UFL1: variants seen among roughly 807,000 people sequenced by gnomAD.
UFL1 encodes the protein E3 UFM1-protein ligase 1.
In UFL1, 78 loss-of-function variants were observed where a neutral mutation model predicts 99.3. The observed-to-expected ratio is 0.79, with a 90% CI of 0.65 to 0.95. UFL1 has a LOEUF of 0.95. Ranked by LOEUF, UFL1 falls within the 40% of genes least tolerant of loss-of-function variation. The probability of loss-of-function intolerance (pLI) is 0.00; values close to 1 mark genes in which losing one functional copy is unlikely to be tolerated. For synonymous variants in UFL1, 335 were observed against 322.2 expected, an observed-to-expected ratio of 1.04 and a Z score of -0.42; for missense variants, 936 against 937.0, an observed-to-expected ratio of 1.00 and a Z score of 0.01.
At chr6:96,545,839 C>T (rs1443319419) in intron 12 of UFL1, among the ~76,000 whole-genome samples, 1 of 150,992 alleles carries the variant, frequency 6.6e-6, no homozygotes, top group Non-Finnish European at 1.5e-5. Context: ...TGATAAAAAT[C>T]TTCAGAAAAC....
intron 1 of UFL1, 88 bp downstream of exon 1, chr6:96,522,038 C>G: frequency 7.2e-7 from 1 of 1,382,942 alleles, no homozygotes; most frequent in South Asian, 1.3e-5. Flanking sequence ...CGCGGCCCTG[C>G]ATCCCGGGTC....
At position 96,548,201 on chromosome 6, in the gene UFL1, T is replaced by C; in HGVS notation, c.1440T>C (p.Asp480=). 1.9e-6 allele frequency: 3 copies of C among 1,606,386 alleles called. No homozygotes were observed. Among genetic ancestry groups the C allele is most frequent in the Non-Finnish European group, 8.5e-7 (1 of 1,175,910 alleles). The change falls in exon 13 of 19, where the codon GAT becomes GAC. Residue 480 remains aspartate (D), a synonymous_variant. Coordinates refer to ENST00000369278, the MANE Select transcript of UFL1 (RefSeq NM_015323.5). The part of the protein sequence containing the change: ...KKPEISFMFQ[D]EIEDFLRKHI... ...CAGAGATCAGTTTTATGTTCCAGGA[T>C]GAGATTGAAGATTTTTTAAGAAAAC...
chr6:96,548,918 T>G (rs1256326930), intron 13 of UFL1, among the ~76,000 whole-genome samples: 1 of 151,730 alleles, frequency 6.6e-6, no homozygotes, highest in Non-Finnish European at 1.5e-5. Flanking sequence ...GGTGATAATT[T>G]TTTTAATATA....
intron 16 of UFL1, 139 bp from the exon 17 acceptor site, chr6:96,551,698 CA>C: frequency 1.4e-6 from 1 of 727,402 alleles, no homozygotes; most frequent in Non-Finnish European, 2.2e-6. Flanking sequence ...AGTTCTATAT[CA>C]CAATTTCTAA....
At chr6:96,535,148 T>A (rs1243198832) in intron 7 of UFL1, among the ~76,000 whole-genome samples, 1 of 151,990 alleles carries the variant, frequency 6.6e-6, no homozygotes, top group Non-Finnish European at 1.5e-5. Flanking sequence ...AAATTGAGGA[T>A]CGTGTGTTGT....
chr6:96,536,148 G>T (rs1377894440), intron 7 of UFL1, 96 bp from the exon 8 acceptor site: 1 of 1,268,682 alleles, frequency 7.9e-7, no homozygotes, highest in Non-Finnish European at 1.1e-6. Flanking sequence ...TTTTTTAAAG[G>T]TTAAGAATAA....
At chr6:96,544,457 C>A (rs1562255545) in intron 12 of UFL1, among the ~76,000 whole-genome samples, 1 of 150,292 alleles carries the variant, frequency 6.7e-6, no homozygotes, top group African/African-American at 2.4e-5. Context: ...TTTCCTCTTT[C>A]ACAGAATTCA....
chr6:96,527,120 T>A (rs1769715066), intron 5 of UFL1, among the ~76,000 whole-genome samples: 1 of 152,180 alleles, frequency 6.6e-6, no homozygotes, highest in African/African-American at 2.4e-5. Context: ...ATTTTCTTGT[T>A]TACTTTTTTC....
chr6:96,545,579 A>T (rs1562255829), intron 12 of UFL1, among the ~76,000 whole-genome samples: 1 of 151,020 alleles, frequency 6.6e-6, no homozygotes, highest in Non-Finnish European at 1.5e-5. Context: ...GATTATAAGG[A>T]TTATTTAATT....
At position 96,542,906 on chromosome 6, in the gene UFL1, G is replaced by A. The variant is rs778773767; in HGVS notation, c.1292G>A (p.Ser431Asn). The change falls in exon 12 of 19, where the codon AGC (serine) becomes AAC (asparagine). Residue 431 changes from serine to asparagine, a missense_variant. Coordinates refer to ENST00000369278, the MANE Select transcript of UFL1 (RefSeq NM_015323.5). ...RRRKATEGSG[S>N]MRGGGGGNAR... Reference sequence around the variant, plus strand: ...ATTTTCCCACCAGAGGGCAGTGGAAGCATGAGAGGAGGAGGTGGGGGCAAT... The same window carrying A: ...ATTTTCCCACCAGAGGGCAGTGGAAACATGAGAGGAGGAGGTGGGGGCAAT... 7 of 1,588,348 alleles carry A rather than the reference G, an allele frequency of 4.4e-6. No homozygotes were observed. Among genetic ancestry groups the A allele is most frequent in the South Asian group, 1.2e-5 (1 of 86,062 alleles).
At chr6:96,542,718 G>A (rs1039001936) in intron 11 of UFL1, among the ~76,000 whole-genome samples, 176 bp from the exon 12 acceptor site, 1 of 151,124 alleles carries the variant, frequency 6.6e-6, no homozygotes, top group Non-Finnish European at 1.5e-5. Context: ...AATTTTTTAT[G>A]TATTGGATTT....
At chr6:96,527,741 G>A (rs771140818) in intron 5 of UFL1, among the ~76,000 whole-genome samples, 9 of 152,032 alleles carry the variant, frequency 5.9e-5, no homozygotes, top group South Asian at 4.1e-4. Flanking sequence ...TTTTAGAAAC[G>A]TAGTTTTTAA....
Position 96,549,723 on chromosome 6 carries a change from T to C in UFL1, c.1742T>C (p.Ile581Thr), listed in dbSNP as rs768073480. 8 of 1,612,304 alleles carry C rather than the reference T, an allele frequency of 5.0e-6. No homozygotes were observed. The highest frequency in any genetic ancestry group is 1.6e-4 in the Middle Eastern group (1 of 6,070). Residue 581 changes from isoleucine (I) to threonine (T), a missense_variant, in exon 15 of 19, where the codon ATC becomes ACC. By Grantham distance (89) the Ile-to-Thr change is moderately conservative. Coordinates refer to ENST00000369278, the MANE Select transcript of UFL1 (RefSeq NM_015323.5). ...TTGCTGAAGTCAGTGTGTACTGATATCACTAACCTCATTTTCAACTTCTTA... is the reference window on the plus strand; with the variant it reads ...TTGCTGAAGTCAGTGTGTACTGATACCACTAACCTCATTTTCAACTTCTTA... ...KHLLKSVCTDITNLIFNFLAS... is the reference protein window; with the variant it reads ...KHLLKSVCTDTTNLIFNFLAS...
intron 11 of UFL1, 132 bp downstream of exon 11, chr6:96,540,787 C>A: frequency 9.3e-7 from 1 of 1,071,772 alleles, no homozygotes; most frequent in Non-Finnish European, 1.3e-6. Context: ...TAATATCAAC[C>A]AAATATTTTG....
chr6:96,540,200 G>A (rs1004634289), intron 10 of UFL1, among the ~76,000 whole-genome samples: 24 of 151,392 alleles, frequency 1.6e-4, no homozygotes, highest in Admixed American at 6.0e-4. Flanking sequence ...CTCAAAAAGC[G>A]AAGGAGCATG....
chr6:96,551,907 G>T lies in UFL1; in HGVS notation c.1969G>T (p.Asp657Tyr), dbSNP rs770344185. Residue 657 changes from aspartate to tyrosine, a missense_variant, in exon 17 of 19, where the codon GAC becomes TAC. Physicochemically the swap from Asp to Tyr is radical, Grantham distance 160. Coordinates refer to ENST00000369278, the MANE Select transcript of UFL1 (RefSeq NM_015323.5). ...EACDIMVKRGDKKRERQILFQ... is the reference protein window; with the variant it reads ...EACDIMVKRGYKKRERQILFQ... ...TTGTGATATTATGGTGAAAAGGGGA[G>T]ACAAAAAAAGGGAAAGGTAACATTA... 6.2e-7 allele frequency: 1 copy of T among 1,600,922 alleles called. No homozygotes were observed. Among genetic ancestry groups the T allele is most frequent in the South Asian group, 1.1e-5 (1 of 89,310 alleles).
chr6:96,553,493 C>T lies in UFL1; in HGVS notation c.2375C>T (p.Thr792Met), dbSNP rs777997396. Residue 792 changes from threonine (T) to methionine (M), a missense_variant, in exon 19 of 19, where the codon ACG becomes ATG. Coordinates refer to ENST00000369278, the MANE Select transcript of UFL1 (RefSeq NM_015323.5). The stretch of plus-strand genomic sequence containing the variant: ...CTCAAATCTAGGAAATCATCTGTGA[C>T]GGAAGAGTAATGATCTTAATTTACA... ...LVLKSRKSSV[T>M]EE The T allele has an allele frequency of 5.5e-5, 88 of 1,612,798 alleles. No homozygotes were observed. The highest frequency in any genetic ancestry group is 4.7e-4 in the East Asian group (21 of 44,786).
rs755884785 is a variant in UFL1 at position 96,521,885 on chromosome 6, CTGG to C, written c.13_15del (p.Trp5del). 1.2e-6 allele frequency: 2 copies of C among 1,612,552 alleles called. No homozygotes were observed. The highest frequency in any genetic ancestry group is 1.7e-6 in the Non-Finnish European group (2 of 1,179,598). On this transcript the variant is annotated inframe_deletion, in exon 1 of 19. Transcript: ENST00000369278. ...CGAGTCAGGCCGTGATGGCGGACGC[CTGG>C]GAAGAGATTAGGCGGTTGGCGGCCG... is the stretch of plus-strand genomic sequence containing the variant.
rs775562629 is a variant in UFL1 at position 96,552,488 on chromosome 6, A to G, written c.1992A>G (p.Ile664Met). 2.6e-6 allele frequency: 4 copies of G among 1,562,240 alleles called. No individual in the cohort carries two copies. The highest frequency in any genetic ancestry group is 2.4e-5 in the South Asian group (2 of 83,472). Residue 664 changes from isoleucine (I) to methionine (M), a missense_variant, in exon 18 of 19, where the codon ATA (isoleucine) becomes ATG (methionine). Physicochemically the swap from Ile to Met is conservative, Grantham distance 10. Transcript: ENST00000369278. ...KRGDKKRERQ[I>M]LFQHRQALAE... ...TGCTTTTTTTTTTTTTTAGACAGATACTGTTCCAACATCGACAAGCACTGG... is the reference window on the plus strand; with the variant it reads ...TGCTTTTTTTTTTTTTTAGACAGATGCTGTTCCAACATCGACAAGCACTGG...
Sources: gnomAD v4.1 joint callset for allele counts (sites outside exome capture counted in the v4.1 genomes callset) on GRCh38, gnomAD v4.1.1 for gene constraint, MANE v1.5 for transcripts, NCBI Gene and HGNC (gene_info 2026-07-23, HGNC 2026-07-21) for gene names.